Variants in TDP1 observed in about 807,000 individuals in gnomAD.
The protein encoded by TDP1 is tyr-DNA phosphodiesterase 1.
In TDP1, 64 loss-of-function variants were observed where a neutral mutation model predicts 81.5. The observed-to-expected ratio is 0.79, with a 90% CI of 0.64 to 0.97. The LOEUF (loss-of-function observed/expected upper bound fraction) is 0.97, where lower values mean the gene tolerates loss of function less well. TDP1 is among the 50% of genes least tolerant of loss of function. TDP1 has a pLI of 0.00. For missense variants in TDP1, 723 were observed against 743.8 expected (o/e 0.97, Z 0.33); for synonymous variants, 256 against 264.3 (o/e 0.97, Z 0.30).
intron 14 of TDP1, among the ~76,000 whole-genome samples, chr14:90,015,272 T>C (rs937772366): frequency 6.6e-6 from 1 of 152,240 alleles, no homozygotes; most frequent in African/African-American, 2.4e-5. Context: ...TCCATGTGCC[T>C]AACATGCCAT....
intron 9 of TDP1, 37 bp from the exon 10 acceptor site, chr14:89,985,095 A>G (rs754430205): frequency 1.3e-6 from 2 of 1,517,904 alleles, no homozygotes; most frequent in South Asian, 1.1e-5. Flanking sequence ...AAAGCACATC[A>G]CTATATTTTA....
chr14:89,992,916 C>T (rs1596578428), intron 13 of TDP1: 8 of 984,884 alleles, frequency 8.1e-6, no homozygotes, highest in South Asian at 4.7e-5. Flanking sequence ...TTTCTGCCCT[C>T]GCTTTTCAAC....
intron 14 of TDP1, among the ~76,000 whole-genome samples, chr14:90,009,597 G>A (rs998725966): frequency 6.6e-6 from 1 of 152,148 alleles, no homozygotes; most frequent in African/African-American, 2.4e-5. Context: ...GGTAAGTGTG[G>A]TTCTCTGCAG....
Position 89,984,630 on chromosome 14 carries a change from TTCTC to T in TDP1, c.1002_1005del (p.Leu335ArgfsTer4). ...GTTACTTGATGGCTTATAATGCCCC[TTCTC>T]TCAAGGAGTGGATAGATGTCATTCA... On this transcript the variant is annotated frameshift_variant, in exon 9 of 17. Transcript: ENST00000335725. LOFTEE classifies it high-confidence loss of function. 1 of 1,614,178 alleles carries T rather than the reference TTCTC, an allele frequency of 6.2e-7. No individual in the cohort carries two copies. The highest frequency in any genetic ancestry group is 8.5e-7 in the Non-Finnish European group (1 of 1,180,036).
intron 14 of TDP1, among the ~76,000 whole-genome samples, chr14:90,017,891 A>G (rs1227847750): frequency 2.0e-5 from 3 of 152,200 alleles, no homozygotes; most frequent in Non-Finnish European, 4.4e-5. Context: ...ATAGACAGTG[A>G]TGTTCATGAT....
chr14:90,042,927 G>T, intron 16 of TDP1, 143 bp from the exon 17 acceptor site: 4 of 1,539,254 alleles, frequency 2.6e-6, no homozygotes, highest in Middle Eastern at 1.7e-4. Context: ...TTGTCTGAAG[G>T]GGGAGAATCT....
In TDP1 at chr14:89,958,444, C is replaced by T. The variant is rs72697378; in HGVS notation, c.-8+1644C>T. ...GACAGTTCTCAGCAGAGACGGGACC[C>T]CAAGTGGATGGCCCCTGCCCTGACC... On this transcript the variant is annotated intron_variant, in intron 2 of 16. Coordinates refer to ENST00000335725, the MANE Select transcript of TDP1 (RefSeq NM_018319.4). 6.6e-3 allele frequency: 1,011 copies of T among 152,354 alleles called. 6 individuals carry two copies. The highest frequency in any genetic ancestry group is 0.011 in the Non-Finnish European group (749 of 68,094). The allele number at this position is 152,354 out of a possible 1,614,324, so 9.4% of individuals were successfully genotyped here. A position where few individuals can be genotyped will look rare whatever the true frequency, so the allele number is the denominator to read the frequency against.
rs35878148 is a variant in TDP1, at chr14:89,989,195, CT to C, written c.1317+118del. On this transcript the variant is annotated intron_variant, in intron 11 of 16. Transcript: ENST00000335725. ...TGGAGAGATGTTTTATTCTGTGATT[CT>C]TTTTTTTTTTTTGGCGTGGCGGGGG... is the stretch of plus-strand genomic sequence containing the variant. 177,258 of 698,198 alleles carry C rather than the reference CT, an allele frequency of 0.25. 167 individuals are homozygous for C. The highest frequency in any genetic ancestry group is 0.31 in the South Asian group (16,112 of 51,524). 43.3% of individuals were successfully genotyped at this position (698,198 alleles called of 1,614,324 possible). A position where few individuals can be genotyped will look rare whatever the true frequency, so the allele number is the denominator to read the frequency against.
At chr14:89,998,375 TATATATATATATATATATA>T (rs1896835864) in intron 14 of TDP1, among the ~76,000 whole-genome samples, 1 of 4,150 alleles carries the variant, frequency 2.4e-4, no homozygotes, top group African/African-American at 3.5e-4. Flanking sequence ...AAGCACATTA[TATATATATATATATATATA>T]TATATATATA....
chr14:89,977,184 A>G (rs549093961), intron 7 of TDP1, among the ~76,000 whole-genome samples: 3 of 152,300 alleles, frequency 2.0e-5, no homozygotes, highest in African/African-American at 7.2e-5. Flanking sequence ...TAGGAAAGTA[A>G]TTACAGTTGA....
chr14:89,964,371 G>A (rs1892690617), intron 3 of TDP1, among the ~76,000 whole-genome samples: 1 of 152,228 alleles, frequency 6.6e-6, no homozygotes, highest in Admixed American at 6.5e-5. Flanking sequence ...TTGCTGTATG[G>A]ATTGTTAACA....
chr14:90,023,071 T>C (rs1398416835), intron 15 of TDP1: 2 of 762,348 alleles, frequency 2.6e-6, no homozygotes, highest in African/African-American at 3.4e-5. Context: ...GGAGGCTTCG[T>C]TCTCTGGTAA....
At chr14:90,020,634 G>A (rs1465741609) in intron 15 of TDP1, among the ~76,000 whole-genome samples, 2 of 35,726 alleles carry the variant, frequency 5.6e-5, no homozygotes, top group Non-Finnish European at 1.0e-4. Context: ...CTCCCTCCCC[G>A]CCTTCCTTCC....
At chr14:90,017,806 G>GT (rs1885491461) in intron 14 of TDP1, among the ~76,000 whole-genome samples, 2 of 152,260 alleles carry the variant, frequency 1.3e-5, no homozygotes, top group South Asian at 2.1e-4. Flanking sequence ...TTTAAAAAAA[G>GT]TTTTTTTCCT....
chr14:90,020,583 C>CTT (rs1390643091), intron 15 of TDP1, among the ~76,000 whole-genome samples: 2 of 12,986 alleles, frequency 1.5e-4, no homozygotes, highest in African/African-American at 6.7e-4. Context: ...TCCTTCCTTC[C>CTT]CTCCCTCCCT....
chr14:89,991,161 A>C (rs1314388776), intron 12 of TDP1, among the ~76,000 whole-genome samples: 1 of 150,686 alleles, frequency 6.6e-6, no homozygotes, highest in Non-Finnish European at 1.5e-5. Context: ...TGGGCAAAAC[A>C]GAGGCTGTCC....
intron 16 of TDP1, among the ~76,000 whole-genome samples, chr14:90,039,306 C>T (rs967388136): frequency 2.0e-5 from 3 of 152,178 alleles, no homozygotes; most frequent in African/African-American, 7.2e-5. Flanking sequence ...TTTGGCATTT[C>T]TAGCTGGCAT....
At chr14:90,029,498 CTTTT>C (rs551041373) in intron 15 of TDP1, among the ~76,000 whole-genome samples, 1 of 122,790 alleles carries the variant, frequency 8.1e-6, no homozygotes, top group Admixed American at 8.2e-5. Flanking sequence ...CGCACCCGGC[CTTTT>C]TTTTTTTTTT....
chr14:89,970,858 A>C, intron 5 of TDP1: 1 of 670,506 alleles, frequency 1.5e-6, no homozygotes, highest in Non-Finnish European at 1.8e-6. Flanking sequence ...TTTATTTTTG[A>C]GACAGAGTCT....
Sources: allele counts gnomAD v4.1 joint callset (sites outside exome capture counted in the v4.1 genomes callset), GRCh38; gene constraint gnomAD v4.1.1; transcripts MANE v1.5; gene names NCBI Gene and HGNC (gene_info 2026-07-23, HGNC 2026-07-21).